The following CNTFR variants were observed in gnomAD, a reference collection of about 807,000 sequenced individuals.
The protein encoded by CNTFR is ciliary neurotrophic factor receptor subunit alpha.
Under a neutral mutation model 40.4 loss-of-function variants are expected in CNTFR, and 12 were observed. The observed-to-expected ratio is 0.30, with a 90% CI of 0.19 to 0.48. The LOEUF (loss-of-function observed/expected upper bound fraction) is 0.48, where lower values mean the gene tolerates loss of function less well. CNTFR is among the 20% of genes least tolerant of loss of function. CNTFR has a pLI of 0.99. For missense variants in CNTFR, 414 were observed against 506.8 expected (o/e 0.82, Z 1.76); for synonymous variants, 202 against 209.6 (o/e 0.96, Z 0.31).
intron 3 of CNTFR, among the ~76,000 whole-genome samples, chr9:34,567,730 T>C (rs1052886387): frequency 3.9e-5 from 6 of 152,044 alleles, no homozygotes; most frequent in Non-Finnish European, 5.9e-5. Flanking sequence ...CAAGGTGACA[T>C]AGACAGACAA....
intron 3 of CNTFR, among the ~76,000 whole-genome samples, chr9:34,567,177 G>C (rs920187586): frequency 1.7e-4 from 1 of 5,894 alleles, no homozygotes; most frequent in South Asian, 0.12. Context: ...AGCAGCAGGG[G>C]GAGGATTGGG....
chr9:34,574,741 T>C (rs1396204356), intron 2 of CNTFR, among the ~76,000 whole-genome samples: 1 of 152,180 alleles, frequency 6.6e-6, no homozygotes, highest in South Asian at 2.1e-4. Context: ...AAGATTCCGA[T>C]GGATTTTGGC....
At chr9:34,554,394 A>G (rs1202763817) in intron 7 of CNTFR, among the ~76,000 whole-genome samples, 1 of 152,184 alleles carries the variant, frequency 6.6e-6, no homozygotes, top group African/African-American at 2.4e-5. Flanking sequence ...TACCTCCAGG[A>G]ATGTGGCCCC....
intron 2 of CNTFR, among the ~76,000 whole-genome samples, chr9:34,575,502 G>A (rs1826908005): frequency 6.6e-6 from 1 of 152,094 alleles, no homozygotes; most frequent in Admixed American, 6.5e-5. Context: ...AGGGCCCTCC[G>A]TGGAGACAAG....
chr9:34,565,572 G>C (rs57183367), intron 3 of CNTFR, among the ~76,000 whole-genome samples: 1 of 152,082 alleles, frequency 6.6e-6, no homozygotes, highest in Non-Finnish European at 1.5e-5. Context: ...TTGGGGGCTT[G>C]GGGGGTGCGG....
chr9:34,557,430 T>C lies in CNTFR; in HGVS notation c.604+96A>G, dbSNP rs1825892942. On this transcript the variant is annotated intron_variant, in intron 6 of 9. Transcript: ENST00000378980. This position sits in a 1 kb window ranked among gnomAD's most constrained non-coding sequence, Gnocchi z 4.2. ...TGCAGAGGCATGTACATGCCATGTA[T>C]ACATGTGCATGCATGTGGACATCCC... 3 of 1,368,214 alleles carry C rather than the reference T, an allele frequency of 2.2e-6. No homozygotes were observed. Among genetic ancestry groups the C allele is most frequent in the Middle Eastern group, 1.9e-4 (1 of 5,136 alleles). 84.8% of individuals were successfully genotyped at this position (1,368,214 alleles called of 1,614,324 possible). A position where few individuals can be genotyped will look rare whatever the true frequency, so the allele number is the denominator to read the frequency against.
At position 34,552,298 on chromosome 9, in the gene CNTFR, T is replaced by C. The variant is rs1308179692; in HGVS notation, c.981A>G (p.Ala327=). The C allele has an allele frequency of 6.5e-7, 1 of 1,542,486 alleles. No homozygotes were observed. The highest frequency in any genetic ancestry group is 1.2e-5 in the South Asian group (1 of 84,102). ...CACAGATCTTCGTGGTAGGTGGGGG[T>C]GCCAGGGAGCTGGTGGTGCTGGTCG... The part of the protein sequence containing the change: ...ETTTSTTSSL[A]PPPTTKICDP... The change falls in exon 9 of 10, where the codon GCA becomes GCG. Residue 327 remains alanine (A), a synonymous_variant. Transcript: ENST00000378980. This position sits in a 1 kb window ranked among gnomAD's most constrained non-coding sequence, Gnocchi z 5.1.
At chr9:34,585,876 G>A (rs949792224) in intron 1 of CNTFR, among the ~76,000 whole-genome samples, 1 of 152,176 alleles carries the variant, frequency 6.6e-6, no homozygotes, top group Admixed American at 6.5e-5. Context: ...TAACCCATCT[G>A]CATTTCAAAG....
Position 34,552,892 on chromosome 9 carries a change from T to C in CNTFR, c.769-38A>G. 1 of 1,595,160 alleles carries C rather than the reference T, an allele frequency of 6.3e-7. No individual in the cohort carries two copies. Among genetic ancestry groups the C allele is most frequent in the Non-Finnish European group, 8.5e-7 (1 of 1,175,368 alleles). Reference sequence around the variant, plus strand: ...CATGGGGTGGGGGTAAGGACACACCTGGGGGCCAGGAGGGTGAGGTCCCTC... The same window carrying C: ...CATGGGGTGGGGGTAAGGACACACCCGGGGGCCAGGAGGGTGAGGTCCCTC... On this transcript the variant is annotated intron_variant, in intron 7 of 9. Transcript: ENST00000378980. The surrounding 1 kb of genome is among the most constrained non-coding windows in gnomAD (Gnocchi z 5.1).
At chr9:34,577,067 G>A (rs1238128863) in intron 2 of CNTFR, among the ~76,000 whole-genome samples, 1 of 152,166 alleles carries the variant, frequency 6.6e-6, no homozygotes, top group Non-Finnish European at 1.5e-5. Flanking sequence ...CAGAGCCAGC[G>A]GTGCTCCTCT....
chr9:34,586,228 G>C (rs1013761563), intron 1 of CNTFR, among the ~76,000 whole-genome samples: 2 of 152,172 alleles, frequency 1.3e-5, no homozygotes, highest in East Asian at 3.9e-4. Context: ...CTGCTCTTTT[G>C]GGGAACAGAG....
intron 4 of CNTFR, among the ~76,000 whole-genome samples, chr9:34,562,662 G>A (rs1268332927): frequency 3.9e-5 from 6 of 152,186 alleles, no homozygotes; most frequent in Admixed American, 2.6e-4. Flanking sequence ...CGACTTTTGG[G>A]CAGTGGGGTG....
chr9:34,588,702 G>GCTTCA (rs1302239900), intron 1 of CNTFR, among the ~76,000 whole-genome samples: 1 of 151,660 alleles, frequency 6.6e-6, no homozygotes, highest in African/African-American at 2.4e-5. Flanking sequence ...GAGGGGGGAG[G>GCTTCA]GGGACAAGGG....
intron 1 of CNTFR, among the ~76,000 whole-genome samples, chr9:34,581,470 C>G (rs1827281525): frequency 6.6e-6 from 1 of 152,204 alleles, no homozygotes; most frequent in African/African-American, 2.4e-5. Flanking sequence ...CACAGACAAT[C>G]CACAATTCTT....
rs1452124806 is a variant in CNTFR at position 34,557,737 on chromosome 9, C to G, written c.438-45G>C. The G allele has an allele frequency of 6.2e-7, 1 of 1,610,578 alleles. No homozygotes were observed. The highest frequency in any genetic ancestry group is 2.2e-5 in the East Asian group (1 of 44,844). On this transcript the variant is annotated intron_variant, in intron 5 of 9. Coordinates refer to ENST00000378980, the MANE Select transcript of CNTFR (RefSeq NM_147164.3). The surrounding 1 kb of genome is among the most constrained non-coding windows in gnomAD (Gnocchi z 4.2). ...AGGCACTGTTACGAACATCAAGGGT[C>G]AGGTGGGGCAGAGGTTGAGGAAAGG...
chr9:34,557,757 G>A lies in CNTFR; in HGVS notation c.438-65C>T. ...AGGGTCAGGTGGGGCAGAGGTTGAGGAAAGGTCAAGCCCAAGGCAGGGCTG... is the reference window on the plus strand; with the variant it reads ...AGGGTCAGGTGGGGCAGAGGTTGAGAAAAGGTCAAGCCCAAGGCAGGGCTG... On this transcript the variant is annotated intron_variant, in intron 5 of 9. Coordinates refer to ENST00000378980, the MANE Select transcript of CNTFR (RefSeq NM_147164.3). The surrounding 1 kb of genome is among the most constrained non-coding windows in gnomAD (Gnocchi z 4.2). The A allele has an allele frequency of 1.2e-6, 2 of 1,601,198 alleles. No individual in the cohort carries two copies. Among genetic ancestry groups the A allele is most frequent in the Non-Finnish European group, 1.7e-6 (2 of 1,169,420 alleles).
At chr9:34,566,934 A>T (rs539847889) in intron 3 of CNTFR, among the ~76,000 whole-genome samples, 2 of 152,344 alleles carry the variant, frequency 1.3e-5, no homozygotes, top group South Asian at 4.1e-4. Flanking sequence ...GAACGAAAAA[A>T]TGACAACACA....
At position 34,576,953 on chromosome 9, in the gene CNTFR, A is replaced by G. The variant is rs117741492; in HGVS notation, c.-1+4142T>C. On this transcript the variant is annotated intron_variant, in intron 2 of 9. Transcript: ENST00000378980. ...GCAGAAAGGGCAGGAGAAGGGAAGG[A>G]GATGAGACCTCCACTCCAGCCCCCC... 3.3e-3 allele frequency among the ~76,000 whole-genome samples: 496 copies of G among 152,330 alleles called. 1 individual carries two copies. Among genetic ancestry groups the G allele is most frequent in the Non-Finnish European group, 5.6e-3 (378 of 68,016 alleles).
intron 2 of CNTFR, among the ~76,000 whole-genome samples, chr9:34,574,542 G>C (rs979709308): frequency 5.3e-5 from 8 of 152,220 alleles, no homozygotes; most frequent in Admixed American, 3.3e-4. Context: ...CTCCTCCTTA[G>C]AAGGGGGCAG....
Sources: gnomAD v4.1 joint callset for allele counts (sites outside exome capture counted in the v4.1 genomes callset) on GRCh38, gnomAD v4.1.1 for gene constraint, Gnocchi (gnomAD v3.1) non-coding constraint, MANE v1.5 for transcripts, NCBI Gene and HGNC (gene_info 2026-07-23, HGNC 2026-07-21) for gene names.